Variants in PAK1 observed in about 807,000 individuals in gnomAD.
PAK1 encodes serine/threonine-protein kinase PAK 1.
A neutral mutation model predicts 67.4 loss-of-function variants in PAK1; 29 were observed. The observed-to-expected ratio is 0.43, with a 90% CI of 0.32 to 0.59. The LOEUF (loss-of-function observed/expected upper bound fraction) is 0.59. Ranked by LOEUF, PAK1 falls within the 20% of genes least tolerant of loss-of-function variation. The pLI, the probability that PAK1 is intolerant of heterozygous loss-of-function variation, is 0.07. For missense variants in PAK1, 337 were observed against 670.7 expected (o/e 0.50, Z 5.50); for synonymous variants, 223 against 237.4 (o/e 0.94, Z 0.56).
At chr11:77,362,352 T>C (rs1946907372) in intron 5 of PAK1, among the ~76,000 whole-genome samples, 1 of 152,224 alleles carries the variant, frequency 6.6e-6, no homozygotes, top group Non-Finnish European at 1.5e-5. Context: ...CTTTATGTAC[T>C]TTTCCACTGA....
the PAK1 span, among the ~76,000 whole-genome samples, chr11:77,521,162 T>A: frequency 6.6e-6 from 1 of 152,184 alleles, no homozygotes; most frequent in Admixed American, 6.5e-5. Context: ...TTTCTGTTAT[T>A]GTCTGCCTCT....
At position 77,403,878 on chromosome 11, in the gene PAK1, G is replaced by C. The variant is rs114450987; in HGVS notation, c.-21-11337C>G. On this transcript the variant is annotated intron_variant, in intron 1 of 14. Coordinates refer to ENST00000356341, the MANE Select transcript of PAK1 (RefSeq NM_002576.5). ...GTGTTGAGAGGTGAGATCTTTAAAA[G>C]GTGATTGGGTCATGAGGGCTCTGGC... Among the ~76,000 whole-genome samples, 429 of 152,270 alleles carry C rather than the reference G, an allele frequency of 2.8e-3. 3 individuals carry two copies. Among genetic ancestry groups the C allele is most frequent in the African/African-American group, 9.8e-3 (409 of 41,548 alleles).
chr11:77,371,037 C>T (rs1948361300), intron 5 of PAK1, among the ~76,000 whole-genome samples: 1 of 152,188 alleles, frequency 6.6e-6, no homozygotes. Context: ...TCCTTGTTTA[C>T]ATGTTCTGAT....
chr11:77,359,063 G>A (rs774017086), intron 5 of PAK1, 46 bp from the exon 6 acceptor site: 2 of 1,584,856 alleles, frequency 1.3e-6, no homozygotes, highest in Admixed American at 1.8e-5. Flanking sequence ...AGCTGCCATG[G>A]AACTTAACTA....
At chr11:77,342,299 G>C (rs1943725741) in intron 10 of PAK1, among the ~76,000 whole-genome samples, 1 of 151,870 alleles carries the variant, frequency 6.6e-6, no homozygotes, top group Non-Finnish European at 1.5e-5. Context: ...CTAATTTCCA[G>C]AGTAAAAGTC....
At chr11:77,394,844 A>AAAAAC (rs67716970) in intron 1 of PAK1, among the ~76,000 whole-genome samples, 4 of 151,972 alleles carry the variant, frequency 2.6e-5, no homozygotes, top group Non-Finnish European at 4.4e-5. Flanking sequence ...ACTCTGTCTC[A>AAAAAC]AAAACAAAAC....
intron 11 of PAK1, among the ~76,000 whole-genome samples, chr11:77,338,950 G>A (rs1943159877): frequency 1.3e-5 from 2 of 152,092 alleles, no homozygotes; most frequent in Non-Finnish European, 2.9e-5. Context: ...GGGAGTGACT[G>A]TTAATGGATA....
intron 13 of PAK1, 73 bp from the exon 14 acceptor site, chr11:77,332,940 G>A: frequency 7.1e-7 from 1 of 1,400,826 alleles, no homozygotes; most frequent in Non-Finnish European, 1.0e-6. Flanking sequence ...ACAAGTTCTA[G>A]AAATATGGTC....
intron 1 of PAK1, among the ~76,000 whole-genome samples, chr11:77,400,524 C>T (rs1280100782): frequency 6.6e-6 from 1 of 152,160 alleles, no homozygotes; most frequent in Non-Finnish European, 1.5e-5. Flanking sequence ...CTCAGTGATG[C>T]CTTGAGTTCA....
At position 77,335,950 on chromosome 11, in the gene PAK1, T is replaced by G. The variant is rs574586433; in HGVS notation, c.1413+136A>C. ...TTCCTTTTCTTTGGCCATTTATACT[T>G]TAAGTTCAACAGTGACTAGTTGTAT... On this transcript the variant is annotated intron_variant, in intron 13 of 14. Coordinates refer to ENST00000356341, the MANE Select transcript of PAK1 (RefSeq NM_002576.5). 1.1e-4 allele frequency: 55 copies of G among 498,078 alleles called. No homozygotes were observed. In the South Asian group the frequency reaches 2.7e-3, roughly 25 times the overall value. 30.9% of individuals were successfully genotyped at this position (498,078 alleles called of 1,614,324 possible).
chr11:77,492,896 C>G, the PAK1 span, among the ~76,000 whole-genome samples: 1 of 152,140 alleles, frequency 6.6e-6, no homozygotes, highest in Non-Finnish European at 1.5e-5. Context: ...CCTGCTTCCC[C>G]TTCACCTTCC....
intron 1 of PAK1, among the ~76,000 whole-genome samples, chr11:77,393,118 T>TA (rs1231937660): frequency 1.9e-4 from 29 of 151,994 alleles, no homozygotes; most frequent in Non-Finnish European, 3.1e-4. Context: ...TTTTTTTTTT[T>TA]ACCTGATGCT....
At chr11:77,500,830 T>TGAGA in the PAK1 span, among the ~76,000 whole-genome samples, 1 of 147,708 alleles carries the variant, frequency 6.8e-6, no homozygotes, top group Non-Finnish European at 1.5e-5. Flanking sequence ...GGAGACAGAG[T>TGAGA]GAGACACTGT....
chr11:77,442,513 ACAATGAACGG>A (rs1423138139), intron 1 of PAK1, among the ~76,000 whole-genome samples: 1 of 152,154 alleles, frequency 6.6e-6, no homozygotes, highest in Non-Finnish European at 1.5e-5. Context: ...AGGCTGGCCA[ACAATGAACGG>A]CATGAGTGAA....
intron 1 of PAK1, among the ~76,000 whole-genome samples, chr11:77,409,204 G>C (rs1177457463): frequency 6.6e-6 from 1 of 152,132 alleles, no homozygotes. Context: ...CTAGGAGGTT[G>C]AAGCTGCAGT....
At chr11:77,393,283 AAAAGAGAG>A (rs1565658513) in intron 1 of PAK1, among the ~76,000 whole-genome samples, 2 of 131,134 alleles carry the variant, frequency 1.5e-5, no homozygotes, top group African/African-American at 6.2e-5. Flanking sequence ...TTTAAAAAAA[AAAAGAGAG>A]AGAGAGAGAG....
intron 5 of PAK1, among the ~76,000 whole-genome samples, chr11:77,362,958 G>GT (rs1188599619): frequency 6.6e-6 from 1 of 151,998 alleles, no homozygotes; most frequent in African/African-American, 2.4e-5. Flanking sequence ...GGGTCTGATG[G>GT]TTTTTTTCAT....
the PAK1 span, among the ~76,000 whole-genome samples, chr11:77,508,590 C>T: frequency 6.6e-6 from 1 of 151,498 alleles, no homozygotes; most frequent in Non-Finnish European, 1.5e-5. Context: ...CTCGTGGTCT[C>T]ATAAGTGGGC....
intron 14 of PAK1, among the ~76,000 whole-genome samples, chr11:77,324,116 ATAT>A (rs1939069505): frequency 6.6e-6 from 1 of 151,946 alleles, no homozygotes; most frequent in South Asian, 2.1e-4. Context: ...TTAGGAGAAA[ATAT>A]TATATGAAAA....
Sources: allele counts gnomAD v4.1 joint callset (sites outside exome capture counted in the v4.1 genomes callset), GRCh38; gene constraint gnomAD v4.1.1; transcripts MANE v1.5; gene names NCBI Gene and HGNC (gene_info 2026-07-23, HGNC 2026-07-21).